The following SAMD12 variants were observed in gnomAD, a reference collection of about 807,000 sequenced individuals.
The protein encoded by SAMD12 is sterile alpha motif domain containing 12.
Under a neutral mutation model 15.0 loss-of-function variants are expected in SAMD12, and 9 were observed. That is an observed-to-expected ratio of 0.60 (90% CI 0.36 to 1.05). The LOEUF (loss-of-function observed/expected upper bound fraction) is 1.05, where lower values mean the gene tolerates loss of function less well. SAMD12 is among the 50% of genes least tolerant of loss of function. The pLI is 0.01. For missense variants in SAMD12, 230 were observed against 234.2 expected (o/e 0.98, Z 0.12); for synonymous variants, 86 against 90.1 (o/e 0.96, Z 0.25).
chr8:118,209,504 G>A (rs1819959062), intron 4 of SAMD12, among the ~76,000 whole-genome samples: 1 of 152,176 alleles, frequency 6.6e-6, no homozygotes, highest in Admixed American at 6.5e-5. Context: ...TGTGTGGACT[G>A]GGCTATTTCT....
At chr8:118,316,953 C>G (rs1815948517) in intron 4 of SAMD12, among the ~76,000 whole-genome samples, 3 of 151,048 alleles carry the variant, frequency 2.0e-5, no homozygotes, top group African/African-American at 7.3e-5. Context: ...CCGTGCCTGT[C>G]AGAGATACGA....
chr8:118,217,107 G>A (rs935089875), intron 4 of SAMD12, among the ~76,000 whole-genome samples: 3 of 152,068 alleles, frequency 2.0e-5, no homozygotes, highest in East Asian at 1.9e-4. Context: ...GGGTTCAAGC[G>A]ATTCTTCTGC....
At chr8:118,535,109 G>A (rs201831545) in intron 2 of SAMD12, among the ~76,000 whole-genome samples, 1 of 151,726 alleles carries the variant, frequency 6.6e-6, no homozygotes, top group South Asian at 2.1e-4. Flanking sequence ...TTGATGATGA[G>A]GTACAGATGG....
At chr8:118,270,533 G>A (rs1021938030) in intron 4 of SAMD12, among the ~76,000 whole-genome samples, 5 of 152,108 alleles carry the variant, frequency 3.3e-5, no homozygotes, top group African/African-American at 7.2e-5. Context: ...GGGTATGATG[G>A]TCTTGAGTTT....
At chr8:118,587,647 C>T (rs1827485823) in intron 1 of SAMD12, among the ~76,000 whole-genome samples, 1 of 152,194 alleles carries the variant, frequency 6.6e-6, no homozygotes, top group Admixed American at 6.5e-5. Context: ...TATGTGATAT[C>T]TAGAACTGCT....
the SAMD12 span, among the ~76,000 whole-genome samples, chr8:118,143,638 C>T: frequency 6.6e-6 from 1 of 152,130 alleles, no homozygotes; most frequent in Non-Finnish European, 1.5e-5. Flanking sequence ...GCATAGACTG[C>T]AGAGAATCCA....
intron 4 of SAMD12, among the ~76,000 whole-genome samples, chr8:118,316,046 T>C (rs1815882594): frequency 6.6e-6 from 1 of 152,154 alleles, no homozygotes; most frequent in Non-Finnish European, 1.5e-5. Flanking sequence ...TATTTTTGCG[T>C]AATGGCATTA....
At chr8:118,384,230 G>T (rs1177160918) in intron 3 of SAMD12, among the ~76,000 whole-genome samples, 1 of 152,160 alleles carries the variant, frequency 6.6e-6, no homozygotes, top group African/African-American at 2.4e-5. Context: ...AGAAGACAGG[G>T]TCAGATCACA....
intron 4 of SAMD12, among the ~76,000 whole-genome samples, chr8:118,234,507 C>T (rs1311927388): frequency 6.6e-6 from 1 of 151,776 alleles, no homozygotes; most frequent in Non-Finnish European, 1.5e-5. Context: ...GTCAGGAGTT[C>T]AAGACTTGCC....
At chr8:118,360,044 A>G in intron 4 of SAMD12, among the ~76,000 whole-genome samples, 1 of 152,148 alleles carries the variant, frequency 6.6e-6, no homozygotes, top group East Asian at 1.9e-4. Context: ...GGTCAAAGCC[A>G]TTCTCCTACC....
the SAMD12 span, among the ~76,000 whole-genome samples, chr8:118,151,004 G>A: frequency 1.3e-5 from 2 of 152,002 alleles, no homozygotes; most frequent in Non-Finnish European, 2.9e-5. Context: ...CAGGAGTCAA[G>A]TCCAGCCTGT....
At chr8:118,136,112 C>T in the SAMD12 span, among the ~76,000 whole-genome samples, 1 of 152,166 alleles carries the variant, frequency 6.6e-6, no homozygotes. Context: ...TTACTGCAAC[C>T]TCTGTCCCCT....
At chr8:118,204,216 A>G (rs1819797657) in intron 4 of SAMD12, among the ~76,000 whole-genome samples, 1 of 151,836 alleles carries the variant, frequency 6.6e-6, no homozygotes, top group Non-Finnish European at 1.5e-5. Flanking sequence ...TAATTAATTA[A>G]TTAATATGTA....
chr8:118,245,990 A>G (rs1213539714), intron 4 of SAMD12, among the ~76,000 whole-genome samples: 1 of 152,156 alleles, frequency 6.6e-6, no homozygotes, highest in African/African-American at 2.4e-5. Context: ...CTTCAGAGCT[A>G]AAGTGGAGAG....
At chr8:118,505,803 A>G (rs566976128) in intron 2 of SAMD12, among the ~76,000 whole-genome samples, 88 of 152,172 alleles carry the variant, frequency 5.8e-4, no homozygotes, top group African/African-American at 2.1e-3. Context: ...TTGTGAATTC[A>G]CTTAATTACT....
the SAMD12 span, among the ~76,000 whole-genome samples, chr8:118,138,782 G>A: frequency 6.6e-6 from 1 of 152,180 alleles, no homozygotes; most frequent in African/African-American, 2.4e-5. Context: ...TCTTGCAGCT[G>A]GCACCCAGTT....
intron 2 of SAMD12, among the ~76,000 whole-genome samples, chr8:118,453,500 A>G (rs1277373358): frequency 6.6e-6 from 1 of 152,116 alleles, no homozygotes; most frequent in African/African-American, 2.4e-5. Context: ...AAATATTCTT[A>G]TGCAATGTTA....
chr8:118,487,389 G>C (rs898453175), intron 2 of SAMD12, among the ~76,000 whole-genome samples: 4 of 152,320 alleles, frequency 2.6e-5, no homozygotes, highest in African/African-American at 9.6e-5. Context: ...GGGGCTGGAA[G>C]ACAAGCCAGG....
the SAMD12 span, among the ~76,000 whole-genome samples, chr8:118,163,974 G>T: frequency 6.6e-6 from 1 of 152,216 alleles, no homozygotes; most frequent in South Asian, 2.1e-4. Flanking sequence ...CATTGCTGGA[G>T]CAAGAGTATC....
Sources: allele counts gnomAD v4.1 joint callset (sites outside exome capture counted in the v4.1 genomes callset), GRCh38; gene constraint gnomAD v4.1.1; transcripts MANE v1.5; gene names NCBI Gene and HGNC (gene_info 2026-07-23, HGNC 2026-07-21).